The following GPC3 variants were observed in gnomAD, a reference collection of about 807,000 sequenced individuals.
The protein encoded by GPC3 is glypican-3.
Under a neutral mutation model 34.4 loss-of-function variants are expected in GPC3, and 3 were observed. The ratio of observed to expected loss-of-function variants is 0.09; its 90% CI spans 0.04 to 0.23. GPC3 has a LOEUF of 0.23. GPC3 is among the 10% of genes least tolerant of loss of function. The pLI is 1.00. For synonymous variants in GPC3, 177 were observed against 174.0 expected (o/e 1.02, Z -0.13); for missense variants, 351 against 445.6 (o/e 0.79, Z 1.91).
intron 5 of GPC3, among the ~76,000 whole-genome samples, chrX:133,690,602 T>A (rs953389392): frequency 2.2e-4 from 25 of 112,121 alleles, no homozygotes; most frequent in Non-Finnish European, 4.1e-4. Context: ...TCAAAGCAGC[T>A]AACTTGCCTT....
intron 1 of GPC3, among the ~76,000 whole-genome samples, chrX:133,959,167 G>A (rs997858705): frequency 9.0e-6 from 1 of 111,514 alleles, no homozygotes; most frequent in Non-Finnish European, 1.9e-5. Flanking sequence ...CTGTGGCTTG[G>A]CCTTCTTGAC....
At chrX:133,595,172 G>A (rs1031935883) in intron 7 of GPC3, among the ~76,000 whole-genome samples, 8 of 111,749 alleles carry the variant, frequency 7.2e-5, no homozygotes, top group Non-Finnish European at 1.3e-4. Flanking sequence ...CCAGTTTCAG[G>A]TAGGATTAGG....
At chrX:133,791,254 C>T (rs939015700) in intron 2 of GPC3, among the ~76,000 whole-genome samples, 5 of 111,320 alleles carry the variant, frequency 4.5e-5, no homozygotes, top group Non-Finnish European at 5.7e-5. Context: ...GCAGCTTCCC[C>T]GGAAACTCAT....
chrX:133,932,563 T>G (rs2124622397), intron 2 of GPC3, among the ~76,000 whole-genome samples: 1 of 111,936 alleles, frequency 8.9e-6, no homozygotes, highest in South Asian at 3.8e-4. Context: ...TTAAAATAAC[T>G]GAGACTGCTT....
At chrX:133,973,173 T>A (rs373772941) in intron 1 of GPC3, among the ~76,000 whole-genome samples, 1 of 111,700 alleles carries the variant, frequency 9.0e-6, no homozygotes, top group East Asian at 2.8e-4. Flanking sequence ...GTATGGGAAT[T>A]TAAGTCAAAT....
intron 1 of GPC3, 132 bp downstream of exon 1, chrX:133,985,143 C>A: frequency 1.5e-6 from 1 of 676,800 alleles, no homozygotes; most frequent in Non-Finnish European, 2.3e-6. Context: ...CCAGGCACAC[C>A]GACCACTCCC....
chrX:133,947,333 T>C (rs2076373274), intron 2 of GPC3, among the ~76,000 whole-genome samples: 1 of 111,738 alleles, frequency 8.9e-6, no homozygotes, highest in African/African-American at 3.3e-5. Flanking sequence ...TCAAGGGCGA[T>C]GGCCTGGGGT....
intron 3 of GPC3, among the ~76,000 whole-genome samples, chrX:133,730,125 T>G (rs145383613): frequency 0.028 from 3,098 of 112,047 alleles, 47 homozygotes; most frequent in Non-Finnish European, 0.045. Flanking sequence ...TACTAATGAC[T>G]GTGGCATGCA....
intron 2 of GPC3, among the ~76,000 whole-genome samples, chrX:133,838,332 C>T (rs114062116): frequency 0.01 from 1,134 of 112,428 alleles, 24 homozygotes; most frequent in African/African-American, 0.035. Context: ...CCCATCTTCA[C>T]TTCCATGTCT....
intron 7 of GPC3, among the ~76,000 whole-genome samples, chrX:133,559,210 A>G (rs2069520974): frequency 9.0e-6 from 1 of 110,870 alleles, no homozygotes. Flanking sequence ...CAGCCAATTT[A>G]TGTAACATTT....
At chrX:133,720,539 T>C (rs1418658911) in intron 3 of GPC3, among the ~76,000 whole-genome samples, 1 of 112,209 alleles carries the variant, frequency 8.9e-6, no homozygotes, top group Non-Finnish European at 1.9e-5. Flanking sequence ...TTGTGAGGCT[T>C]CTCCAGCCAC....
intron 1 of GPC3, among the ~76,000 whole-genome samples, chrX:133,971,815 A>T (rs1318353147): frequency 9.0e-6 from 1 of 111,088 alleles, no homozygotes; most frequent in Non-Finnish European, 1.9e-5. Context: ...GTTCCCCTTA[A>T]CTGTGGGTGT....
At chrX:133,661,615 TCTCTCTCTCTCTCTCTCTCCCC>T in intron 6 of GPC3, 93 bp downstream of exon 6, 2 of 25,060 alleles carry the variant, frequency 8.0e-5, no homozygotes, top group African/African-American at 5.9e-4. Flanking sequence ...TCTCTCTCTC[TCTCTCTCTCTCTCTCTCTCCCC>T]CCCCCCTCTC....
intron 6 of GPC3, among the ~76,000 whole-genome samples, chrX:133,655,476 CCACA>C (rs758691994): frequency 0.033 from 3,234 of 97,547 alleles, 126 homozygotes; most frequent in African/African-American, 0.11. Context: ...CTTCACACAC[CCACA>C]CACACACACA....
intron 5 of GPC3, among the ~76,000 whole-genome samples, chrX:133,687,045 C>A (rs1234474003): frequency 9.3e-6 from 1 of 107,885 alleles, no homozygotes; most frequent in Non-Finnish European, 1.9e-5. Flanking sequence ...CCTACCTCAG[C>A]CTCCCAAGTA....
intron 2 of GPC3, among the ~76,000 whole-genome samples, chrX:133,935,381 G>A (rs181709375): frequency 5.6e-4 from 62 of 111,510 alleles, no homozygotes; most frequent in African/African-American, 1.7e-3. Flanking sequence ...AGTGTGTGGC[G>A]GGGGTTGGAA....
At chrX:133,847,489 T>C (rs1370294185) in intron 2 of GPC3, among the ~76,000 whole-genome samples, 1 of 112,377 alleles carries the variant, frequency 8.9e-6, no homozygotes, top group Non-Finnish European at 1.9e-5. Flanking sequence ...AACAGTTTTA[T>C]AAATGGAGCA....
intron 2 of GPC3, among the ~76,000 whole-genome samples, chrX:133,941,416 A>C (rs2076344703): frequency 8.9e-6 from 1 of 112,741 alleles, no homozygotes; most frequent in Non-Finnish European, 1.9e-5. Flanking sequence ...AGAGGAAGAA[A>C]GGCAATTCTG....
At chrX:133,642,407 C>G (rs781644270) in intron 6 of GPC3, among the ~76,000 whole-genome samples, 1 of 111,426 alleles carries the variant, frequency 9.0e-6, no homozygotes, top group Non-Finnish European at 1.9e-5. Flanking sequence ...CAAAGCAAAG[C>G]TATATAGGGA....
Sources: allele counts gnomAD v4.1 joint callset (sites outside exome capture counted in the v4.1 genomes callset), GRCh38; gene constraint gnomAD v4.1.1; transcripts MANE v1.5; gene names NCBI Gene and HGNC (gene_info 2026-07-23, HGNC 2026-07-21).